KLHL5: variants seen among roughly 807,000 people sequenced by gnomAD.
KLHL5 encodes kelch-like protein 5.
KLHL5 carries 48 observed loss-of-function variants against 77.7 expected under a neutral mutation model. The observed-to-expected ratio is 0.62, with a 90% CI of 0.49 to 0.79. The LOEUF is 0.79. KLHL5 is among the 30% of genes least tolerant of loss of function. KLHL5 has a pLI of 0.00. For synonymous variants in KLHL5, 260 were observed against 297.0 expected, an observed-to-expected ratio of 0.88 and a Z score of 1.28; for missense variants, 723 against 859.7, an observed-to-expected ratio of 0.84 and a Z score of 1.99.
intron 5 of KLHL5, chr4:39,093,500 C>T (rs75769431): frequency 2.2e-6 from 1 of 450,608 alleles, no homozygotes; most frequent in Non-Finnish European, 4.5e-6. Flanking sequence ...GTAAAATATG[C>T]CCCAATAAAA....
the KLHL5 span, among the ~76,000 whole-genome samples, chr4:39,133,744 TC>T: frequency 2.6e-5 from 4 of 152,122 alleles, no homozygotes; most frequent in African/African-American, 4.8e-5. Flanking sequence ...AAACTATAGC[TC>T]TATAGTCAGC....
intron 1 of KLHL5, among the ~76,000 whole-genome samples, chr4:39,051,807 C>T (rs1056771170): frequency 6.6e-6 from 1 of 152,196 alleles, no homozygotes; most frequent in Admixed American, 6.5e-5. Flanking sequence ...AAAAGCTATG[C>T]TAATTAAAAG....
At chr4:39,063,250 T>A (rs985344660) in intron 1 of KLHL5, among the ~76,000 whole-genome samples, 5 of 152,184 alleles carry the variant, frequency 3.3e-5, no homozygotes, top group Non-Finnish European at 7.4e-5. Flanking sequence ...AGCATTCATT[T>A]TGAAATATCT....
intron 9 of KLHL5, among the ~76,000 whole-genome samples, chr4:39,114,731 G>T (rs1722713984): frequency 6.6e-6 from 1 of 152,200 alleles, no homozygotes; most frequent in Admixed American, 6.5e-5. Context: ...GGCAGTATCA[G>T]TCATCTTAGC....
upstream of KLHL5, among the ~76,000 whole-genome samples, chr4:39,060,536 A>G (rs375257507): frequency 8.5e-5 from 13 of 152,238 alleles, no homozygotes; most frequent in South Asian, 2.7e-3. Flanking sequence ...GAGTAACTGA[A>G]GTGTTTACAA....
At position 39,123,568 on chromosome 4, in the gene KLHL5, G is replaced by A. The variant is rs752623684; in HGVS notation, c.*2502G>A. On this transcript the variant is annotated 3_prime_UTR_variant, in exon 11 of 11. Coordinates refer to ENST00000504108, the MANE Select transcript of KLHL5 (RefSeq NM_015990.5). Reference sequence around the variant, plus strand: ...ATGGTTCTACATACAAATGTCAATCGATGTAATAATATACCATATTAATAG... The same window carrying A: ...ATGGTTCTACATACAAATGTCAATCAATGTAATAATATACCATATTAATAG... Among the ~76,000 whole-genome samples, 22 of 152,060 alleles carry A rather than the reference G, an allele frequency of 1.4e-4. No homozygotes were observed. Among genetic ancestry groups the A allele is most frequent in the Non-Finnish European group, 2.5e-4 (17 of 68,002 alleles).
chr4:39,118,996 C>T (rs752971751), intron 10 of KLHL5, among the ~76,000 whole-genome samples: 6 of 152,088 alleles, frequency 3.9e-5, no homozygotes, highest in Non-Finnish European at 7.4e-5. Context: ...AGATGATTAC[C>T]TAATATCAGC....
chr4:39,140,921 A>C, the KLHL5 span, among the ~76,000 whole-genome samples: 1 of 152,194 alleles, frequency 6.6e-6, no homozygotes, highest in Non-Finnish European at 1.5e-5. Flanking sequence ...CCTGTGGAAG[A>C]GATAAGAGAA....
chr4:39,107,054 T>TTTTC (rs1722091522), intron 7 of KLHL5, among the ~76,000 whole-genome samples: 1 of 110,230 alleles, frequency 9.1e-6, no homozygotes. Context: ...TTTTTTCTTT[T>TTTTC]TTTTTTTTTT....
Position 39,113,036 on chromosome 4 carries a change from G to T in KLHL5, c.1705G>T (p.Gly569Cys). The change falls in exon 9 of 11, where the codon GGT (glycine) becomes TGT (cysteine). Residue 569 changes from glycine (G) to cysteine (C), a missense_variant. Around this residue, in one of 3 missense-constraint regions of KLHL5, gnomAD observed 214 missense variants for 237.4 expected, o/e 0.90. Transcript: ENST00000504108. The stretch of plus-strand genomic sequence containing the variant: ...TTTTTGCAGACTTTATGCAGTTGGT[G>T]GTCGTGATGGAAGTTCTTGTCTCAA... ...VLSGKLYAVG[G>C]RDGSSCLKSV... 1 of 1,613,220 alleles carries T rather than the reference G, an allele frequency of 6.2e-7. No individual in the cohort carries two copies. The highest frequency in any genetic ancestry group is 8.5e-7 in the Non-Finnish European group (1 of 1,179,812).
downstream of KLHL5, among the ~76,000 whole-genome samples, chr4:39,127,010 C>G (rs146215507): frequency 6.6e-6 from 1 of 152,146 alleles, no homozygotes; most frequent in Non-Finnish European, 1.5e-5. Context: ...CCCTTACACT[C>G]CTGCTTTAAG....
At chr4:39,115,670 C>T in intron 10 of KLHL5, 1 of 1,284,966 alleles carries the variant, frequency 7.8e-7, no homozygotes, top group Middle Eastern at 3.0e-4. Flanking sequence ...GGATAGTAGT[C>T]AGAAAACTTT....
Position 39,075,961 on chromosome 4 carries a change from TCAG to T in KLHL5, c.384-3_384-1del. On this transcript the variant is annotated splice_acceptor_variant and splice_polypyrimidine_tract_variant and intron_variant, in intron 1 of 10. Transcript: ENST00000504108. LOFTEE classifies it high-confidence loss of function. ...TCAAAATGTGTGTTTTTTTTTCTTT[TCAG>T]GACTTCCAATAGTAGTCAGACATTA... 6.3e-7 allele frequency: 1 copy of T among 1,598,170 alleles called. No individual in the cohort carries two copies. The highest frequency in any genetic ancestry group is 1.8e-5 in the Admixed American group (1 of 55,680).
In KLHL5 at chr4:39,125,154, A is replaced by T. The variant is rs1169009370; in HGVS notation, c.*4088A>T. Among the ~76,000 whole-genome samples the T allele has an allele frequency of 8.4e-6, 1 of 119,626 alleles. No individual in the cohort carries two copies. Among genetic ancestry groups the T allele is most frequent in the African/African-American group, 2.7e-5 (1 of 36,552 alleles). 78.5% of individuals were successfully genotyped at this position (119,626 alleles called of 152,430 possible). ...GAATGACGAAATAGACCTAGGATCT[A>T]AACCTACAGGAAAAAAAATGAATAA... On this transcript the variant is annotated 3_prime_UTR_variant, in exon 11 of 11. Transcript: ENST00000504108.
intron 10 of KLHL5, chr4:39,120,258 A>G (rs774607402): frequency 3.3e-5 from 5 of 152,118 alleles, no homozygotes; most frequent in Non-Finnish European, 7.4e-5. Flanking sequence ...TTTTATTTCC[A>G]CTATGAATTA....
At chr4:39,077,784 T>G (rs1273573847) in intron 2 of KLHL5, among the ~76,000 whole-genome samples, 1 of 151,308 alleles carries the variant, frequency 6.6e-6, no homozygotes, top group Non-Finnish European at 1.5e-5. Context: ...AACTATCAAT[T>G]CAGAGGAAAA....
Position 39,121,784 on chromosome 4 carries a change from A to C in KLHL5, c.*718A>C, listed in dbSNP as rs1723224957. The C allele has an allele frequency of 6.6e-6, 1 of 152,642 alleles. No individual in the cohort carries two copies. Among genetic ancestry groups the C allele is most frequent in the African/African-American group, 2.4e-5 (1 of 41,450 alleles). 9.5% of individuals were successfully genotyped at this position (152,642 alleles called of 1,614,324 possible). Reference sequence around the variant, plus strand: ...AGTTGAAACATGATGTTTTGCATTAAATTTAAGATATGCAAATTTATGTAG... The same window carrying C: ...AGTTGAAACATGATGTTTTGCATTACATTTAAGATATGCAAATTTATGTAG... On this transcript the variant is annotated 3_prime_UTR_variant, in exon 11 of 11. Coordinates refer to ENST00000504108, the MANE Select transcript of KLHL5 (RefSeq NM_015990.5).
chr4:39,142,634 C>T, the KLHL5 span, among the ~76,000 whole-genome samples: 2 of 151,966 alleles, frequency 1.3e-5, no homozygotes, highest in Admixed American at 1.3e-4. Context: ...CATAACAGCC[C>T]AACACTAGGA....
intron 1 of KLHL5, chr4:39,063,515 T>C: frequency 2.4e-6 from 1 of 423,668 alleles, no homozygotes; most frequent in Non-Finnish European, 4.8e-6. Flanking sequence ...GACACAATTG[T>C]AGTTGTCAAT....
Sources: gnomAD v4.1 joint callset for allele counts (sites outside exome capture counted in the v4.1 genomes callset) on GRCh38, gnomAD v4.1.1 for gene constraint, gnomAD v4.1.1 regional missense constraint, MANE v1.5 for transcripts, NCBI Gene and HGNC (gene_info 2026-07-23, HGNC 2026-07-21) for gene names.